The following CDH23 variants were observed in gnomAD, a reference collection of about 807,000 sequenced individuals.
CDH23 encodes the protein cadherin-23.
CDH23 carries 189 observed loss-of-function variants against 317.1 expected under a neutral mutation model. The ratio of observed to expected loss-of-function variants is 0.60; its 90% confidence interval spans 0.53 to 0.67. The LOEUF is 0.67. CDH23 is among the 30% of genes least tolerant of loss of function. The pLI is 0.00. For missense variants in CDH23, 4,401 were observed against 4,592.4 expected, an observed-to-expected ratio of 0.96 and a Z score of 1.20; for synonymous variants, 1,839 against 1,876.8, an observed-to-expected ratio of 0.98 and a Z score of 0.52.
chr10:71,412,050 A>G (rs1043729127), intron 1 of CDH23, among the ~76,000 whole-genome samples: 4 of 152,228 alleles, frequency 2.6e-5, no homozygotes, highest in African/African-American at 9.6e-5. Context: ...GTATGAGTGG[A>G]ATCATACAAT....
intron 38 of CDH23, among the ~76,000 whole-genome samples, chr10:71,777,296 C>T (rs7900759): frequency 0.39 from 59,367 of 152,052 alleles, 11,834 homozygotes; most frequent in East Asian, 0.47. Context: ...AGACACAGGC[C>T]CTCGTAAAGC....
chr10:71,779,351 C>T lies in CDH23; in HGVS notation c.5272C>T (p.Gln1758Ter), dbSNP rs397517337. ...YEGPFEVTEG[Q>*]PGPRVWTFLA... ...GGGACCATTTGAAGTCACTGAGGGC[C>T]AGCCGGGGCCCAGAGTGTGGACCTT... is the stretch of plus-strand genomic sequence containing the variant. The change falls in exon 41 of 70, where the codon CAG becomes TAG. Residue 1758 changes from glutamine (Q) to a stop codon, truncating the protein, a stop_gained. Coordinates refer to ENST00000224721, the MANE Select transcript of CDH23 (RefSeq NM_022124.6). LOFTEE classifies it high-confidence loss of function. 1 of 1,613,966 alleles carries T rather than the reference C, an allele frequency of 6.2e-7. No homozygotes were observed. Among genetic ancestry groups the T allele is most frequent in the Non-Finnish European group, 8.5e-7 (1 of 1,179,882 alleles).
chr10:71,565,589 C>G (rs766182155), intron 6 of CDH23, among the ~76,000 whole-genome samples: 2 of 152,134 alleles, frequency 1.3e-5, no homozygotes, highest in Non-Finnish European at 2.9e-5. Context: ...AATATCAGTG[C>G]TTCTTGACAC....
intron 6 of CDH23, among the ~76,000 whole-genome samples, chr10:71,545,062 G>A (rs554817362): frequency 4.4e-4 from 67 of 152,302 alleles, no homozygotes; most frequent in South Asian, 1.5e-3. Context: ...AGTTACTGTC[G>A]AAGGAGGGAT....
At chr10:71,715,909 T>A in intron 28 of CDH23, 1 of 1,443,874 alleles carries the variant, frequency 6.9e-7, no homozygotes, top group Admixed American at 3.0e-5. Flanking sequence ...CCTAGGGGGA[T>A]GTGGGGGCAT....
intron 3 of CDH23, among the ~76,000 whole-genome samples, chr10:71,467,991 G>A (rs1278408987): frequency 6.6e-6 from 1 of 152,158 alleles, no homozygotes; most frequent in Non-Finnish European, 1.5e-5. Flanking sequence ...TTCCTTCATG[G>A]GGAAAAGTGG....
chr10:71,606,214 A>T (rs2132489094), intron 9 of CDH23, among the ~76,000 whole-genome samples: 1 of 152,246 alleles, frequency 6.6e-6, no homozygotes, highest in East Asian at 1.9e-4. Context: ...AGCTTGATAA[A>T]AACTGTTGTG....
In CDH23 at chr10:71,779,318, G is replaced by A; in HGVS notation, c.5239G>A (p.Asp1747Asn). Residue 1747 changes from aspartate (D) to asparagine (N), a missense_variant, in exon 41 of 70, where the codon GAC becomes AAC. Physicochemically the swap from Asp to Asn is conservative, Grantham distance 23 (BLOSUM62 1). This residue lies in a region of CDH23 where 3,068 missense variants were observed against 3,203.3 expected (regional missense o/e 0.96). Transcript: ENST00000224721. ...INDNVPTFPR[D>N]YEGPFEVTEG... Reference sequence around the variant, plus strand: ...CGACAATGTGCCTACCTTCCCCCGGGACTATGAGGGACCATTTGAAGTCAC... The same window carrying A: ...CGACAATGTGCCTACCTTCCCCCGGAACTATGAGGGACCATTTGAAGTCAC... The A allele has an allele frequency of 6.2e-7, 1 of 1,614,020 alleles. No homozygotes were observed. The highest frequency in any genetic ancestry group is 8.5e-7 in the Non-Finnish European group (1 of 1,179,898).
chr10:71,399,759 T>G lies in CDH23; in HGVS notation c.-6+2441T>G, dbSNP rs145774855. Among the ~76,000 whole-genome samples the G allele has an allele frequency of 1.0e-3, 159 of 152,066 alleles. 1 individual carries two copies. Among genetic ancestry groups the G allele is most frequent in the African/African-American group, 3.7e-3 (152 of 41,484 alleles). ...CCACTGTACTCCAGGCTGGGCAATATAATGAGACCCTGTCTCTAAAGAAAA... is the reference window on the plus strand; with the variant it reads ...CCACTGTACTCCAGGCTGGGCAATAGAATGAGACCCTGTCTCTAAAGAAAA... On this transcript the variant is annotated intron_variant, in intron 1 of 69. Coordinates refer to ENST00000224721, the MANE Select transcript of CDH23 (RefSeq NM_022124.6).
intron 20 of CDH23, among the ~76,000 whole-genome samples, chr10:71,691,476 G>A (rs1433388563): frequency 6.6e-6 from 1 of 152,222 alleles, no homozygotes; most frequent in African/African-American, 2.4e-5. Flanking sequence ...TTCTGTATGA[G>A]TTAAAGGAAC....
At chr10:71,716,112 G>C in intron 28 of CDH23, 1 of 1,547,036 alleles carries the variant, frequency 6.5e-7, no homozygotes, top group Non-Finnish European at 8.7e-7. Context: ...GGGTGGTGGG[G>C]CATGCACTCG....
At chr10:71,799,719 TCTGGGTCTTGTCGC>T in intron 52 of CDH23, 90 bp downstream of exon 52, 1 of 1,565,876 alleles carries the variant, frequency 6.4e-7, no homozygotes, top group Admixed American at 1.7e-5. Context: ...TAGTAATCCC[TCTGGGTCTTGTCGC>T]CTGGACATCT....
chr10:71,547,082 C>T (rs1207214952), intron 6 of CDH23, among the ~76,000 whole-genome samples: 1 of 152,188 alleles, frequency 6.6e-6, no homozygotes, highest in Non-Finnish European at 1.5e-5. Context: ...GGAGAGCAGA[C>T]TTGGGCATGG....
intron 30 of CDH23, among the ~76,000 whole-genome samples, chr10:71,730,125 C>A (rs1839315771): frequency 1.3e-5 from 2 of 152,194 alleles, no homozygotes; most frequent in South Asian, 4.1e-4. Flanking sequence ...GCGTGAGCCA[C>A]CGCGCCCGGC....
chr10:71,548,393 G>T (rs1856404536), intron 6 of CDH23, among the ~76,000 whole-genome samples: 1 of 152,174 alleles, frequency 6.6e-6, no homozygotes, highest in African/African-American at 2.4e-5. Flanking sequence ...GAGCCTGACA[G>T]CTGCCTCCAC....
At chr10:71,699,054 T>G (rs1399184097) in intron 22 of CDH23, among the ~76,000 whole-genome samples, 1 of 152,184 alleles carries the variant, frequency 6.6e-6, no homozygotes, top group East Asian at 1.9e-4. Flanking sequence ...TGGGGAGTGG[T>G]CGGTAAATGG....
intron 6 of CDH23, among the ~76,000 whole-genome samples, chr10:71,547,328 G>A (rs754300190): frequency 5.9e-5 from 9 of 152,238 alleles, no homozygotes; most frequent in African/African-American, 1.4e-4. Context: ...TCTAGCAGAC[G>A]GATGGCACAG....
Position 71,404,099 on chromosome 10 carries a change from T to A in CDH23, c.-6+6781T>A, listed in dbSNP as rs914819792. 9.9e-5 allele frequency among the ~76,000 whole-genome samples: 15 copies of A among 152,142 alleles called. No homozygotes were observed. In the South Asian group the frequency reaches 1.9e-3, roughly 19 times the overall value. ...AGAGCAAGACCCTGTCTCAAAAAAA[T>A]AAATAAATAAATAAATTCACGGAAG... On this transcript the variant is annotated intron_variant, in intron 1 of 69. Transcript: ENST00000224721.
intron 66 of CDH23, 131 bp downstream of exon 66, chr10:71,812,146 A>ACCCT (rs1352188111): frequency 1.3e-6 from 2 of 1,592,572 alleles, no homozygotes; most frequent in African/African-American, 2.7e-5. Flanking sequence ...TGGGCGGGCC[A>ACCCT]CCCTCCCTTC....
Sources: gnomAD v4.1 joint callset for allele counts (sites outside exome capture counted in the v4.1 genomes callset) on GRCh38, gnomAD v4.1.1 for gene constraint, gnomAD v4.1.1 regional missense constraint, MANE v1.5 for transcripts, NCBI Gene and HGNC (gene_info 2026-07-23, HGNC 2026-07-21) for gene names.